Variants in ANGPT1 observed in about 807,000 individuals in gnomAD.
ANGPT1 encodes the protein angiopoietin 1.
A neutral mutation model predicts 62.2 loss-of-function variants in ANGPT1; 17 were observed. The ratio of observed to expected loss-of-function variants is 0.27; its 90% confidence interval spans 0.19 to 0.41. ANGPT1 has a LOEUF of 0.41. Ranked by LOEUF, ANGPT1 falls within the 10% of genes least tolerant of loss-of-function variation. The probability of loss-of-function intolerance (pLI) is 1.00; values close to 1 mark genes in which losing one functional copy is unlikely to be tolerated. For synonymous variants in ANGPT1, 199 were observed against 198.9 expected, an observed-to-expected ratio of 1.00 and a Z score of 0.00; for missense variants, 478 against 594.9, an observed-to-expected ratio of 0.80 and a Z score of 2.04.
intron 1 of ANGPT1, among the ~76,000 whole-genome samples, chr8:107,423,427 C>A (rs1401344658): frequency 6.6e-6 from 1 of 152,198 alleles, no homozygotes; most frequent in Non-Finnish European, 1.5e-5. Context: ...CATCAGACAG[C>A]TGGATGGATG....
At chr8:107,416,293 T>C (rs927251634) in intron 1 of ANGPT1, among the ~76,000 whole-genome samples, 2 of 152,196 alleles carry the variant, frequency 1.3e-5, no homozygotes, top group Non-Finnish European at 2.9e-5. Flanking sequence ...GTAGGTTCAA[T>C]TAATTTGCTA....
chr8:107,423,140 T>C (rs1286674155), intron 1 of ANGPT1, among the ~76,000 whole-genome samples: 1 of 152,214 alleles, frequency 6.6e-6, no homozygotes, highest in East Asian at 1.9e-4. Flanking sequence ...GCTGGTAACC[T>C]GAATTTGGCC....
chr8:107,393,404 TCAAA>T (rs752044525), intron 1 of ANGPT1, among the ~76,000 whole-genome samples: 2 of 152,158 alleles, frequency 1.3e-5, no homozygotes, highest in African/African-American at 2.4e-5. Context: ...TTGGAGCTCA[TCAAA>T]CAGTCTACCT....
chr8:107,336,832 GCT>G (rs10568018), intron 2 of ANGPT1, among the ~76,000 whole-genome samples: 30,831 of 151,796 alleles, frequency 0.2, 3,568 homozygotes, highest in East Asian at 0.33. Flanking sequence ...ATTCTCCTGT[GCT>G]AGTTGCTTCA....
At chr8:107,434,360 C>A (rs181177641) in intron 1 of ANGPT1, among the ~76,000 whole-genome samples, 1 of 152,136 alleles carries the variant, frequency 6.6e-6, no homozygotes, top group African/African-American at 2.4e-5. Flanking sequence ...GACATCATTG[C>A]GTGGACAACT....
At chr8:107,472,780 C>A (rs1812396874) in intron 1 of ANGPT1, among the ~76,000 whole-genome samples, 1 of 152,074 alleles carries the variant, frequency 6.6e-6, no homozygotes, top group African/African-American at 2.4e-5. Flanking sequence ...CATACACACA[C>A]TCACACACAC....
At chr8:107,496,328 T>G (rs1363777246) in intron 1 of ANGPT1, among the ~76,000 whole-genome samples, 1 of 152,236 alleles carries the variant, frequency 6.6e-6, no homozygotes, top group Non-Finnish European at 1.5e-5. Context: ...AGTGTGTTCA[T>G]AATTTAATAG....
chr8:107,429,026 G>A (rs1249151449), intron 1 of ANGPT1, among the ~76,000 whole-genome samples: 14 of 152,180 alleles, frequency 9.2e-5, no homozygotes. Context: ...ATCGGGCCAT[G>A]TTACATGGTC....
At chr8:107,480,268 G>C (rs1812643228) in intron 1 of ANGPT1, among the ~76,000 whole-genome samples, 1 of 152,136 alleles carries the variant, frequency 6.6e-6, no homozygotes, top group African/African-American at 2.4e-5. Context: ...AAATACATTT[G>C]TACTAACTTG....
chr8:107,477,602 T>G (rs1355250838), intron 1 of ANGPT1, among the ~76,000 whole-genome samples: 1 of 152,190 alleles, frequency 6.6e-6, no homozygotes, highest in Non-Finnish European at 1.5e-5. Context: ...ATTTCATACT[T>G]ATCATCTCAC....
intron 3 of ANGPT1, among the ~76,000 whole-genome samples, chr8:107,327,045 T>C (rs1024319616): frequency 6.6e-6 from 1 of 152,096 alleles, no homozygotes; most frequent in African/African-American, 2.4e-5. Flanking sequence ...TTTGCTGCTC[T>C]CCATTTAGTT....
intron 4 of ANGPT1, among the ~76,000 whole-genome samples, chr8:107,316,156 T>C (rs1485675601): frequency 6.6e-6 from 1 of 152,234 alleles, no homozygotes; most frequent in Non-Finnish European, 1.5e-5. Flanking sequence ...TTGCTGATTC[T>C]AATTTTTCTA....
chr8:107,391,992 T>C (rs1333783644), intron 1 of ANGPT1, among the ~76,000 whole-genome samples: 1 of 152,180 alleles, frequency 6.6e-6, no homozygotes, highest in East Asian at 1.9e-4. Flanking sequence ...CTGATGGAAA[T>C]GTTGTTATGT....
chr8:107,319,628 G>A (rs1815105221), intron 4 of ANGPT1, among the ~76,000 whole-genome samples: 1 of 151,432 alleles, frequency 6.6e-6, no homozygotes, highest in Admixed American at 6.6e-5. Context: ...ATGTGTTTTA[G>A]AATTTGAATA....
chr8:107,480,233 G>A (rs1298632168), intron 1 of ANGPT1, among the ~76,000 whole-genome samples: 1 of 152,116 alleles, frequency 6.6e-6, no homozygotes, highest in African/African-American at 2.4e-5. Flanking sequence ...AAAAAACTAT[G>A]CATGGGTTTA....
intron 7 of ANGPT1, among the ~76,000 whole-genome samples, chr8:107,278,974 C>A (rs1298818880): frequency 6.6e-6 from 1 of 152,174 alleles, no homozygotes; most frequent in African/African-American, 2.4e-5. Context: ...CCTGACTGAA[C>A]ACTGACAAAT....
chr8:107,308,068 T>C (rs1029848291), intron 4 of ANGPT1, among the ~76,000 whole-genome samples: 1 of 152,144 alleles, frequency 6.6e-6, no homozygotes, highest in Non-Finnish European at 1.5e-5. Context: ...CTCTCTTAGT[T>C]CAATCATCCT....
At chr8:107,466,927 G>A (rs1812216968) in intron 1 of ANGPT1, among the ~76,000 whole-genome samples, 1 of 151,824 alleles carries the variant, frequency 6.6e-6, no homozygotes, top group Non-Finnish European at 1.5e-5. Flanking sequence ...TTATAATCGA[G>A]AAATATACAA....
chr8:107,439,833 T>C (rs1164229668), intron 1 of ANGPT1, among the ~76,000 whole-genome samples: 3 of 151,368 alleles, frequency 2.0e-5, no homozygotes, highest in Non-Finnish European at 4.4e-5. Context: ...CTTAAAAGAG[T>C]CTATGTGTGC....
Sources: allele counts gnomAD v4.1 joint callset (sites outside exome capture counted in the v4.1 genomes callset), GRCh38; gene constraint gnomAD v4.1.1; transcripts MANE v1.5; gene names NCBI Gene and HGNC (gene_info 2026-07-23, HGNC 2026-07-21).